NLN: variants seen among roughly 807,000 people sequenced by gnomAD.
The protein encoded by NLN is neurolysin.
In NLN, 64 loss-of-function variants were observed where a neutral mutation model predicts 79.9. The ratio of observed to expected loss-of-function variants is 0.80; its 90% confidence interval spans 0.65 to 0.99. The LOEUF (loss-of-function observed/expected upper bound fraction) is 0.99, where lower values mean the gene tolerates loss of function less well. Among genes scored for constraint, NLN ranks in the 50% least tolerant of loss-of-function variants. The probability of loss-of-function intolerance (pLI) is 0.00; values close to 1 mark genes in which losing one functional copy is unlikely to be tolerated. For missense variants in NLN, 835 were observed against 858.7 expected, an observed-to-expected ratio of 0.97 and a Z score of 0.34; for synonymous variants, 267 against 296.6, an observed-to-expected ratio of 0.90 and a Z score of 1.02.
chr5:65,803,808 G>A (rs1028337847), intron 9 of NLN, among the ~76,000 whole-genome samples: 1 of 152,148 alleles, frequency 6.6e-6, no homozygotes, highest in Non-Finnish European at 1.5e-5. Context: ...ACTTAGAAGG[G>A]GGAAGGACTT....
intron 1 of NLN, among the ~76,000 whole-genome samples, chr5:65,757,669 T>C (rs906983894): frequency 1.3e-5 from 2 of 152,218 alleles, no homozygotes; most frequent in African/African-American, 4.8e-5. Flanking sequence ...CTAGTTTGAA[T>C]GTTTTAAGGG....
intron 1 of NLN, 144 bp downstream of exon 1, chr5:65,722,558 A>C: frequency 4.1e-6 from 3 of 736,038 alleles, no homozygotes; most frequent in Non-Finnish European, 6.4e-6. Context: ...TGCAAGGTGG[A>C]CCCCTGGGGG....
chr5:65,822,808 C>G lies in NLN; in HGVS notation c.2008C>G (p.Leu670Val). The G allele has an allele frequency of 6.2e-7, 1 of 1,612,096 alleles. No homozygotes were observed. ...EVGMKYRNLI[L>V]KPGGSLDGMD... ...TGGAATGAAATACAGAAACCTAATC[C>G]TGAAACCTGGGGGATCTCTGGACGG... Residue 670 changes from leucine to valine, a missense_variant, in exon 13 of 13, where the codon CTG becomes GTG. By Grantham distance (32) the Leu-to-Val change is conservative. Coordinates refer to ENST00000380985, the MANE Select transcript of NLN (RefSeq NM_020726.5).
chr5:65,790,116 G>T (rs1760022783), intron 8 of NLN, among the ~76,000 whole-genome samples: 1 of 152,166 alleles, frequency 6.6e-6, no homozygotes, highest in African/African-American at 2.4e-5. Context: ...AAAGGATTTG[G>T]ATCTCTTTCT....
intron 1 of NLN, among the ~76,000 whole-genome samples, chr5:65,750,101 C>T (rs912998505): frequency 6.6e-5 from 10 of 152,216 alleles, no homozygotes; most frequent in African/African-American, 2.4e-4. Context: ...AGGAAGGGCA[C>T]AGGCAGGGCT....
At chr5:65,801,147 TTTG>T (rs1001999599) in intron 9 of NLN, among the ~76,000 whole-genome samples, 2 of 152,310 alleles carry the variant, frequency 1.3e-5, no homozygotes, top group South Asian at 2.1e-4. Context: ...ACAAAAAATA[TTTG>T]TTAATTGGAT....
intron 12 of NLN, chr5:65,818,766 G>C (rs10940052): frequency 0.11 from 16,409 of 152,248 alleles, 1,073 homozygotes; most frequent in Admixed American, 0.21. Context: ...TCCTTGGCTG[G>C]TCGCTCTCTG....
intron 1 of NLN, among the ~76,000 whole-genome samples, chr5:65,725,515 G>A (rs2150730604): frequency 6.6e-6 from 1 of 152,276 alleles, no homozygotes; most frequent in East Asian, 1.9e-4. Context: ...GTGTTATACA[G>A]TTCTTCCTAA....
chr5:65,757,970 C>CGTGA (rs1161375979), intron 1 of NLN, among the ~76,000 whole-genome samples: 1 of 152,124 alleles, frequency 6.6e-6, no homozygotes, highest in Non-Finnish European at 1.5e-5. Context: ...CAGTGGCTCA[C>CGTGA]ACCTGTAATC....
At position 65,804,244 on chromosome 5, in the gene NLN, C is replaced by T. The variant is rs568464783; in HGVS notation, c.1528-5271C>T. On this transcript the variant is annotated intron_variant, in intron 9 of 12. Transcript: ENST00000380985. ...ACTGCCTGGTTTCAAATTGAAGTTA[C>T]ATCATTAATCTCTGTATGCTTTAGT... is the stretch of plus-strand genomic sequence containing the variant. Among the ~76,000 whole-genome samples the T allele has an allele frequency of 2.0e-5, 3 of 152,248 alleles. No homozygotes were observed. The East Asian group carries it at 5.8e-4, about 29-fold the overall frequency.
At chr5:65,774,335 T>G (rs1364159149) in intron 3 of NLN, among the ~76,000 whole-genome samples, 1 of 152,148 alleles carries the variant, frequency 6.6e-6, no homozygotes, top group African/African-American at 2.4e-5. Context: ...TTCTACTCTA[T>G]AAGCAGAAAA....
Position 65,758,573 on chromosome 5 carries a change from T to G in NLN, c.48T>G (p.Gly16=). 1 of 1,603,866 alleles carries G rather than the reference T, an allele frequency of 6.2e-7. No individual in the cohort carries two copies. The highest frequency in any genetic ancestry group is 8.5e-7 in the Non-Finnish European group (1 of 1,171,416). The change falls in exon 2 of 13, where the codon GGT becomes GGG. Residue 16 remains glycine (G), a synonymous_variant. Transcript: ENST00000380985. ...TTTTTCTGATTCTTTTTAGAGTTGG[T>G]GGTTCCAGGATTTTACTCAGAATGA... ...LLAVRSLRRV[G]GSRILLRMTL...
At chr5:65,816,064 A>G (rs183622791) in intron 12 of NLN, among the ~76,000 whole-genome samples, 62 of 152,276 alleles carry the variant, frequency 4.1e-4, no homozygotes, top group African/African-American at 1.4e-3. Flanking sequence ...CACAAAAACA[A>G]TGTATACCAC....
intron 9 of NLN, among the ~76,000 whole-genome samples, chr5:65,805,485 G>C (rs1487615514): frequency 6.6e-6 from 1 of 152,184 alleles, no homozygotes; most frequent in Non-Finnish European, 1.5e-5. Flanking sequence ...AGTTTTAGTG[G>C]TCTGGGTAGA....
intron 3 of NLN, among the ~76,000 whole-genome samples, chr5:65,767,489 AC>A (rs1370508347): frequency 1.3e-5 from 2 of 151,882 alleles, no homozygotes; most frequent in African/African-American, 4.8e-5. Flanking sequence ...GGAGCACAAA[AC>A]CATTTTTTTT....
Position 65,739,041 on chromosome 5 carries a change from A to AT in NLN, c.41+16627_41+16628insT, listed in dbSNP as rs1491129785. ...ATATATAAATATATAATATATATAT[A>AT]AAAAATATATATAAATTAGCCTGGC... On this transcript the variant is annotated intron_variant, in intron 1 of 12. Coordinates refer to ENST00000380985, the MANE Select transcript of NLN (RefSeq NM_020726.5). 2.5e-4 allele frequency among the ~76,000 whole-genome samples: 34 copies of AT among 135,534 alleles called. 1 individual carries two copies. The highest frequency in any genetic ancestry group is 3.3e-4 in the African/African-American group (12 of 36,520). 88.9% of individuals were successfully genotyped at this position (135,534 alleles called of 152,430 possible). A position where few individuals can be genotyped will look rare whatever the true frequency, so the allele number is the denominator to read the frequency against.
chr5:65,792,583 T>C lies in NLN; in HGVS notation c.1455T>C (p.Ser485=), dbSNP rs1417346353. The part of the protein sequence containing the change: ...NFSQPVAGRP[S]LLRHDEVRTY... Reference sequence around the variant, plus strand: ...CACAGCCAGTGGCAGGTCGTCCCTCTCTCCTGAGACACGACGAGGTGAGGA... The same window carrying C: ...CACAGCCAGTGGCAGGTCGTCCCTCCCTCCTGAGACACGACGAGGTGAGGA... Residue 485 remains serine, a synonymous_variant, in exon 9 of 13, where the codon TCT becomes TCC. Coordinates refer to ENST00000380985, the MANE Select transcript of NLN (RefSeq NM_020726.5). 6.2e-7 allele frequency: 1 copy of C among 1,613,862 alleles called. No homozygotes were observed. The highest frequency in any genetic ancestry group is 1.3e-5 in the African/African-American group (1 of 75,012).
chr5:65,783,703 T>TAAAAA, intron 6 of NLN, among the ~76,000 whole-genome samples: 2 of 133,342 alleles, frequency 1.5e-5, no homozygotes, highest in Non-Finnish European at 3.2e-5. Context: ...CTATGAAAAT[T>TAAAAA]AAAAAAAAAA....
At chr5:65,817,591 C>A (rs1760697388) in intron 12 of NLN, among the ~76,000 whole-genome samples, 1 of 152,204 alleles carries the variant, frequency 6.6e-6, no homozygotes, top group South Asian at 2.1e-4. Flanking sequence ...CTACTATTAT[C>A]TTCCTCCTCT....
Sources: gnomAD v4.1 joint callset for allele counts (sites outside exome capture counted in the v4.1 genomes callset) on GRCh38, gnomAD v4.1.1 for gene constraint, MANE v1.5 for transcripts, NCBI Gene and HGNC (gene_info 2026-07-23, HGNC 2026-07-21) for gene names.